Variants in KLHL3 observed in about 807,000 individuals in gnomAD.
KLHL3 encodes kelch-like protein 3.
Under a neutral mutation model 70.5 loss-of-function variants are expected in KLHL3, and 19 were observed. That is an observed-to-expected ratio of 0.27 (90% CI 0.19 to 0.40). The LOEUF is 0.40. Among genes scored for constraint, KLHL3 ranks in the 10% least tolerant of loss-of-function variants. KLHL3 has a pLI of 1.00. For missense variants in KLHL3, 512 were observed against 771.1 expected (o/e 0.66, Z 3.98); for synonymous variants, 258 against 290.3 (o/e 0.89, Z 1.13).
At chr5:137,657,793 G>C (rs1366736766) in intron 8 of KLHL3, among the ~76,000 whole-genome samples, 1 of 152,208 alleles carries the variant, frequency 6.6e-6, no homozygotes, top group Non-Finnish European at 1.5e-5. Context: ...CCATCACTAA[G>C]TGAAACCAAC....
rs534324844 is a variant in KLHL3 at position 137,668,205 on chromosome 5, A to T, written c.637-6174T>A. Reference sequence around the variant, plus strand: ...GGTGGGCGGATCACGAAGTCAAGAGATTGAGACCATCCTGGCCAACACAGC... The same window carrying T: ...GGTGGGCGGATCACGAAGTCAAGAGTTTGAGACCATCCTGGCCAACACAGC... On this transcript the variant is annotated intron_variant, in intron 6 of 14. Transcript: ENST00000309755. Among the ~76,000 whole-genome samples, 24 of 152,278 alleles carry T rather than the reference A, an allele frequency of 1.6e-4. No individual in the cohort carries two copies. The East Asian group carries it at 4.4e-3, about 28-fold the overall frequency.
At chr5:137,662,493 T>C (rs10037465) in intron 6 of KLHL3, among the ~76,000 whole-genome samples, 82,818 of 151,974 alleles carry the variant, frequency 0.54, 22,922 homozygotes, top group East Asian at 0.66. Flanking sequence ...AAAGTTAATG[T>C]AGAATAAAAA....
chr5:137,702,826 C>T (rs981146700), intron 3 of KLHL3, among the ~76,000 whole-genome samples: 6 of 152,114 alleles, frequency 3.9e-5, no homozygotes, highest in African/African-American at 7.2e-5. Context: ...CTGAGAACCA[C>T]GGAGGGCCCA....
intron 8 of KLHL3, among the ~76,000 whole-genome samples, chr5:137,643,198 A>G (rs1177227209): frequency 6.6e-6 from 1 of 152,028 alleles, no homozygotes; most frequent in African/African-American, 2.4e-5. Flanking sequence ...AAAAAATACA[A>G]AAAACTAGCT....
Position 137,622,099 on chromosome 5 carries a change from C to T in KLHL3, c.1763G>A (p.Ter588=). Residue 588 remains the stop codon, a stop_retained_variant, in exon 15 of 15, where the codon TGA becomes TAA. Coordinates refer to ENST00000309755, the MANE Select transcript of KLHL3 (RefSeq NM_017415.3). ...ACCTCCTGGCAGTAGGAGTTTGGGTCACAAGGACTTGTGAATCACGGCAAC... is the reference window on the plus strand; with the variant it reads ...ACCTCCTGGCAGTAGGAGTTTGGGTTACAAGGACTTGTGAATCACGGCAAC... The part of the protein sequence containing the change: ...AGVAVIHKSL[*] 6.2e-7 allele frequency: 1 copy of T among 1,614,190 alleles called. No homozygotes were observed. Among genetic ancestry groups the T allele is most frequent in the Non-Finnish European group, 8.5e-7 (1 of 1,180,028 alleles).
intron 3 of KLHL3, 126 bp downstream of exon 3, chr5:137,709,624 G>A (rs1041360251): frequency 2.7e-6 from 2 of 730,228 alleles, no homozygotes; most frequent in African/African-American, 1.7e-5. Context: ...ATCTGGCGTA[G>A]AGAAGCCCCT....
rs1452363121 is a variant in KLHL3, at chr5:137,638,834, T to C, written c.1219+119A>G. 4.3e-6 allele frequency: 4 copies of C among 925,098 alleles called. No homozygotes were observed. The South Asian group carries it at 4.9e-5, about 11-fold the overall frequency. The allele number at this position is 925,098 out of a possible 1,614,324, so 57.3% of individuals were successfully genotyped here. On this transcript the variant is annotated intron_variant, in intron 10 of 14. Transcript: ENST00000309755. ...TGGATGAGGAAGAAGAGTGGATATG[T>C]CCCTGGGGCAGTAGCTACAAATGGA...
Position 137,637,286 on chromosome 5 carries a change from C to A in KLHL3, c.1321+8G>T. ...AGGCCTGGCCACTGGCCACTGCCGC[C>A]TCCTTACCCTCCACAACGCCCACAC... On this transcript the variant is annotated splice_region_variant and intron_variant, in intron 11 of 14. Coordinates refer to ENST00000309755, the MANE Select transcript of KLHL3 (RefSeq NM_017415.3). The A allele has an allele frequency of 6.2e-7, 1 of 1,613,606 alleles. No homozygotes were observed. Among genetic ancestry groups the A allele is most frequent in the Non-Finnish European group, 8.5e-7 (1 of 1,179,506 alleles).
intron 1 of KLHL3, among the ~76,000 whole-genome samples, chr5:137,731,175 T>G (rs1279485827): frequency 6.6e-6 from 1 of 152,232 alleles, no homozygotes; most frequent in African/African-American, 2.4e-5. Flanking sequence ...CAAATCTGGG[T>G]GCAGGGATAT....
chr5:137,680,867 T>C (rs898729187), intron 5 of KLHL3, among the ~76,000 whole-genome samples: 1 of 152,084 alleles, frequency 6.6e-6, no homozygotes, highest in Non-Finnish European at 1.5e-5. Context: ...ACAGAGAAGA[T>C]TTTCTATATC....
At chr5:137,672,481 C>A (rs3798143) in intron 6 of KLHL3, among the ~76,000 whole-genome samples, 30,330 of 152,156 alleles carry the variant, frequency 0.2, 3,211 homozygotes, top group Non-Finnish European at 0.24. Context: ...AGAGAAGTAA[C>A]CTATAGTTCT....
chr5:137,694,374 TTCTGA>T (rs1752395832), intron 4 of KLHL3, among the ~76,000 whole-genome samples: 1 of 152,186 alleles, frequency 6.6e-6, no homozygotes, highest in African/African-American at 2.4e-5. Flanking sequence ...AATCACCCTC[TTCTGA>T]AAGTTTTGGA....
intron 8 of KLHL3, among the ~76,000 whole-genome samples, chr5:137,640,452 G>C (rs1750884977): frequency 6.6e-6 from 1 of 152,208 alleles, no homozygotes; most frequent in Non-Finnish European, 1.5e-5. Context: ...AAAAACTCCT[G>C]TGAGATGTTT....
chr5:137,658,303 G>A, intron 7 of KLHL3, 23 bp from the exon 8 acceptor site: 1 of 1,612,978 alleles, frequency 6.2e-7, no homozygotes. Context: ...ATCCACAGAT[G>A]ATCCTGGAGC....
At chr5:137,635,436 C>G (rs1175915230) in intron 11 of KLHL3, among the ~76,000 whole-genome samples, 2 of 152,196 alleles carry the variant, frequency 1.3e-5, no homozygotes, top group Non-Finnish European at 2.9e-5. Flanking sequence ...ACACTCTCTG[C>G]TCTCTTAGGA....
chr5:137,634,345 A>G (rs1371702425), intron 11 of KLHL3, among the ~76,000 whole-genome samples, 180 bp from the exon 12 acceptor site: 1 of 152,226 alleles, frequency 6.6e-6, no homozygotes, highest in African/African-American at 2.4e-5. Flanking sequence ...ATTTCTTCAC[A>G]TATTCTACTT....
At chr5:137,727,930 G>T (rs998348172) in intron 1 of KLHL3, among the ~76,000 whole-genome samples, 6 of 152,132 alleles carry the variant, frequency 3.9e-5, no homozygotes, top group Non-Finnish European at 8.8e-5. Flanking sequence ...CACCATGGCA[G>T]ATTTTAAGCT....
intron 2 of KLHL3, among the ~76,000 whole-genome samples, chr5:137,718,435 T>C (rs1016536761): frequency 1.2e-4 from 19 of 152,168 alleles, no homozygotes; most frequent in Middle Eastern, 3.4e-3. Flanking sequence ...GTGTTCAAGG[T>C]CACAGTGAGC....
intron 3 of KLHL3, among the ~76,000 whole-genome samples, chr5:137,708,550 C>T (rs1004072582): frequency 1.3e-5 from 2 of 152,162 alleles, no homozygotes; most frequent in African/African-American, 4.8e-5. Context: ...TGTGTCCTAC[C>T]ATGTACCAGG....
Sources: gnomAD v4.1 joint callset for allele counts (sites outside exome capture counted in the v4.1 genomes callset) on GRCh38, gnomAD v4.1.1 for gene constraint, MANE v1.5 for transcripts, NCBI Gene and HGNC (gene_info 2026-07-23, HGNC 2026-07-21) for gene names.